Variants in CNTNAP4 observed in about 807,000 individuals in gnomAD.
CNTNAP4 encodes contactin-associated protein-like 4.
A neutral mutation model predicts 148.4 loss-of-function variants in CNTNAP4; 98 were observed. That is an observed-to-expected ratio of 0.66 (90% confidence interval 0.56 to 0.78). CNTNAP4 has a LOEUF of 0.78. Ranked by LOEUF, CNTNAP4 falls within the 30% of genes least tolerant of loss-of-function variation. CNTNAP4 has a pLI of 0.00. For missense variants in CNTNAP4, 1,935 were observed against 1,565.6 expected, an observed-to-expected ratio of 1.24 and a Z score of -3.98; for synonymous variants, 730 against 565.1, an observed-to-expected ratio of 1.29 and a Z score of -4.14.
intron 4 of CNTNAP4, among the ~76,000 whole-genome samples, chr16:76,445,379 C>T (rs2080201788): frequency 6.6e-6 from 1 of 152,036 alleles, no homozygotes; most frequent in Admixed American, 6.6e-5. Context: ...GGACAGGGGC[C>T]ATATTTATGT....
At chr16:76,357,881 G>T (rs1387517235) in intron 3 of CNTNAP4, among the ~76,000 whole-genome samples, 3 of 151,834 alleles carry the variant, frequency 2.0e-5, no homozygotes, top group Non-Finnish European at 4.4e-5. Context: ...TCTTTTTCTA[G>T]TCTTAGCATT....
At chr16:76,482,540 A>C (rs368539446) in intron 12 of CNTNAP4, among the ~76,000 whole-genome samples, 10 of 151,484 alleles carry the variant, frequency 6.6e-5, no homozygotes, top group African/African-American at 2.4e-4. Flanking sequence ...ATGAATGTTT[A>C]GTTCTAAAAA....
chr16:76,326,855 C>T (rs997964597), intron 2 of CNTNAP4, among the ~76,000 whole-genome samples: 16 of 151,832 alleles, frequency 1.1e-4, no homozygotes, highest in African/African-American at 3.4e-4. Context: ...TGCTAAATGA[C>T]GAGTTAATGT....
intron 7 of CNTNAP4, among the ~76,000 whole-genome samples, chr16:76,451,851 TA>T (rs1330201291): frequency 1.3e-5 from 2 of 152,126 alleles, no homozygotes; most frequent in Non-Finnish European, 2.9e-5. Flanking sequence ...TAAGGATTTA[TA>T]GTATATTTCA....
intron 23 of CNTNAP4, chr16:76,558,266 TAATA>T (rs1273131100): frequency 2.3e-6 from 1 of 436,642 alleles, no homozygotes; most frequent in Admixed American, 4.1e-5. Flanking sequence ...TATGCATTCA[TAATA>T]AATGTAGGTG....
chr16:76,337,907 G>C (rs1443222659), intron 2 of CNTNAP4, among the ~76,000 whole-genome samples: 42 of 152,162 alleles, frequency 2.8e-4, no homozygotes, highest in Admixed American at 2.7e-3. Context: ...CAGGCAGTCA[G>C]ACCTTAAGGT....
At chr16:76,382,148 CT>C (rs75673519) in intron 3 of CNTNAP4, among the ~76,000 whole-genome samples, 148 of 145,614 alleles carry the variant, frequency 1.0e-3, no homozygotes, top group African/African-American at 3.6e-3. Context: ...AGAAGCTAGA[CT>C]TTTTTTTAAC....
chr16:76,459,438 T>A (rs2080857458), intron 8 of CNTNAP4, among the ~76,000 whole-genome samples: 1 of 131,570 alleles, frequency 7.6e-6, no homozygotes, highest in South Asian at 2.6e-4. Context: ...GAGTTGGGTC[T>A]TCAGTAATCT....
chr16:76,325,296 ATATTTATATACTCTGTGTAGT>A (rs1346667052), intron 2 of CNTNAP4, among the ~76,000 whole-genome samples: 6 of 152,202 alleles, frequency 3.9e-5, no homozygotes, highest in East Asian at 3.8e-4. Context: ...TGTGTAATGT[ATATTTATATACTCTGTGTAGT>A]TATTTATATA....
At chr16:76,326,848 T>C (rs1450472542) in intron 2 of CNTNAP4, among the ~76,000 whole-genome samples, 1 of 151,924 alleles carries the variant, frequency 6.6e-6, no homozygotes, top group Non-Finnish European at 1.5e-5. Context: ...TACCTAATGC[T>C]AAATGACGAG....
At chr16:76,522,708 T>C (rs1204476452) in intron 17 of CNTNAP4, among the ~76,000 whole-genome samples, 1,117 of 26,120 alleles carry the variant, frequency 0.043, 142 homozygotes, top group African/African-American at 0.043. Context: ...TTTCTTTTCT[T>C]TTCTTTTCTT....
chr16:76,420,811 C>T (rs1444063158), intron 3 of CNTNAP4, among the ~76,000 whole-genome samples: 3 of 151,938 alleles, frequency 2.0e-5, no homozygotes, highest in Admixed American at 1.3e-4. Flanking sequence ...AGATCTTGGA[C>T]ATTTAATATT....
chr16:76,355,255 AAACATAGATTTT>A, intron 2 of CNTNAP4, 51 bp from the exon 3 acceptor site: 1 of 1,296,144 alleles, frequency 7.7e-7, no homozygotes, highest in East Asian at 2.5e-5. Flanking sequence ...ATTTCTTTAC[AAACATAGATTTT>A]TAACTAACTT....
intron 1 of CNTNAP4, among the ~76,000 whole-genome samples, chr16:76,288,575 C>T (rs1958983277): frequency 6.6e-6 from 1 of 152,160 alleles, no homozygotes; most frequent in Non-Finnish European, 1.5e-5. Flanking sequence ...GCAGAAATTT[C>T]ATAGCACTTC....
intron 3 of CNTNAP4, among the ~76,000 whole-genome samples, chr16:76,403,785 T>C (rs996463286): frequency 1.3e-5 from 2 of 151,928 alleles, no homozygotes; most frequent in Admixed American, 1.3e-4. Flanking sequence ...AGCAAAGACA[T>C]GGAATCAACA....
intron 8 of CNTNAP4, among the ~76,000 whole-genome samples, chr16:76,456,491 A>G (rs185833435): frequency 6.6e-6 from 1 of 152,326 alleles, no homozygotes; most frequent in Non-Finnish European, 1.5e-5. Flanking sequence ...TGAGGTTTGT[A>G]CAATAGCCTT....
At chr16:76,515,386 C>T (rs750402397) in intron 15 of CNTNAP4, among the ~76,000 whole-genome samples, 5 of 151,996 alleles carry the variant, frequency 3.3e-5, no homozygotes, top group Non-Finnish European at 7.4e-5. Flanking sequence ...AGGGTGGTGC[C>T]CTAATTCAAT....
At chr16:76,374,827 G>A (rs2015249169) in intron 3 of CNTNAP4, among the ~76,000 whole-genome samples, 1 of 151,070 alleles carries the variant, frequency 6.6e-6, no homozygotes, top group African/African-American at 2.4e-5. Context: ...TGAGTGCAAT[G>A]GCTCAATCTC....
intron 3 of CNTNAP4, among the ~76,000 whole-genome samples, chr16:76,405,232 A>T (rs112953216): frequency 6.6e-6 from 1 of 152,206 alleles, no homozygotes; most frequent in African/African-American, 2.4e-5. Flanking sequence ...ATTAGGTTAC[A>T]TTATTCTAGA....
Sources: gnomAD v4.1 joint callset for allele counts (sites outside exome capture counted in the v4.1 genomes callset) on GRCh38, gnomAD v4.1.1 for gene constraint, MANE v1.5 for transcripts, NCBI Gene and HGNC (gene_info 2026-07-23, HGNC 2026-07-21) for gene names.